The following CCND3 variants were observed in gnomAD, a reference collection of about 807,000 sequenced individuals.
CCND3 encodes the protein G1/S-specific cyclin-D3.
In CCND3, 9 loss-of-function variants were observed where a neutral mutation model predicts 28.7. The ratio of observed to expected loss-of-function variants is 0.31; its 90% confidence interval spans 0.19 to 0.55. The LOEUF is 0.55. Ranked by LOEUF, CCND3 falls within the 20% of genes least tolerant of loss-of-function variation. CCND3 has a pLI of 0.93. For synonymous variants in CCND3, 164 were observed against 163.9 expected (o/e 1.00, Z 0.00); for missense variants, 315 against 385.8 (o/e 0.82, Z 1.54).
intron 1 of CCND3, among the ~76,000 whole-genome samples, chr6:42,044,783 T>TTTTA (rs70987565): frequency 0.16 from 23,414 of 142,946 alleles, 2,306 homozygotes; most frequent in East Asian, 0.38. Flanking sequence ...CTTTCTTTCC[T>TTTTA]TTTATTTATT....
intron 1 of CCND3, among the ~76,000 whole-genome samples, chr6:41,952,349 A>G (rs1313446191): frequency 1.3e-5 from 2 of 152,232 alleles, no homozygotes; most frequent in Admixed American, 1.3e-4. Flanking sequence ...GGGAAGGGAC[A>G]GAGGCCAGTG....
At position 42,034,468 on chromosome 6, in the gene CCND3, CTTTTTTTTTTT is replaced by C. The variant is rs34822771; in HGVS notation, c.-46+14022_-46+14032del. ...ACCGTGCCTGGCCAACCCTGTCACT[CTTTTTTTTTTT>C]TTTTTTTTTTTTTTTTTGAGATGGA... On this transcript the variant is annotated intron_variant, in intron 1 of 4. Coordinates refer to the CCND3 transcript ENST00000372988. Among the ~76,000 whole-genome samples the C allele has an allele frequency of 6.4e-3, 324 of 50,996 alleles. 8 individuals carry two copies. In the East Asian group the frequency reaches 0.11, roughly 17 times the overall value. The allele number at this position is 50,996 out of a possible 152,430, so 33.5% of individuals were successfully genotyped here.
chr6:42,012,237 C>T (rs1763363862), intron 1 of CCND3, among the ~76,000 whole-genome samples: 2 of 152,104 alleles, frequency 1.3e-5, no homozygotes, highest in African/African-American at 4.8e-5. Flanking sequence ...AAAACCCCAT[C>T]TCTACTAAAA....
intron 1 of CCND3, among the ~76,000 whole-genome samples, chr6:41,998,392 A>G (rs1762878551): frequency 7.0e-6 from 1 of 142,862 alleles, no homozygotes; most frequent in African/African-American, 2.6e-5. Flanking sequence ...TTTGTCCCCC[A>G]GGCTGAAGTG....
rs1465224290 is a variant in CCND3, at chr6:42,009,222, C to T, written c.-46+39279G>A. Among the ~76,000 whole-genome samples the T allele has an allele frequency of 4.6e-5, 7 of 152,172 alleles. No individual in the cohort carries two copies. The East Asian group carries it at 1.2e-3, about 25-fold the overall frequency. On this transcript the variant is annotated intron_variant, in intron 1 of 4. Coordinates refer to the CCND3 transcript ENST00000372988. The stretch of plus-strand genomic sequence containing the variant: ...TGGGTGTGGTGGCTCATGCCTATAA[C>T]CCCAGCACTTTGGGGGGCCGAGGCA...
chr6:41,937,598 C>T (rs1775850899), intron 2 of CCND3: 1 of 603,246 alleles, frequency 1.7e-6, no homozygotes, highest in Non-Finnish European at 2.9e-6. Context: ...ACTTACTGAT[C>T]ATTTACTAGG....
intron 1 of CCND3, among the ~76,000 whole-genome samples, chr6:41,957,499 C>T (rs758357716): frequency 6.6e-6 from 1 of 152,118 alleles, no homozygotes; most frequent in African/African-American, 2.4e-5. Context: ...CCATGAAGCT[C>T]GCAGGGTGTG....
chr6:41,956,311 AAAAT>A (rs1199750092), intron 1 of CCND3, among the ~76,000 whole-genome samples: 3 of 152,166 alleles, frequency 2.0e-5, no homozygotes, highest in East Asian at 1.9e-4. Flanking sequence ...AAAATAAAAT[AAAAT>A]AAATAAATAA....
chr6:41,955,394 A>C (rs187640051), intron 1 of CCND3, among the ~76,000 whole-genome samples: 1 of 152,298 alleles, frequency 6.6e-6, no homozygotes, highest in Admixed American at 6.5e-5. Context: ...TTAGTTTATT[A>C]TTTTGAAAAA....
chr6:42,005,034 C>T (rs1237310303), intron 1 of CCND3, among the ~76,000 whole-genome samples: 1 of 152,124 alleles, frequency 6.6e-6, no homozygotes, highest in Non-Finnish European at 1.5e-5. Context: ...AAAAGAAATA[C>T]TGCCAACTCA....
intron 1 of CCND3, among the ~76,000 whole-genome samples, chr6:41,975,737 CTTTTTT>C (rs1318433808): frequency 7.4e-6 from 1 of 135,674 alleles, no homozygotes; most frequent in Non-Finnish European, 1.6e-5. Flanking sequence ...GCTTGCTTGA[CTTTTTT>C]TTTTTTTTTT....
At chr6:42,036,283 AT>A (rs1367821717) in intron 1 of CCND3, among the ~76,000 whole-genome samples, 1 of 140,238 alleles carries the variant, frequency 7.1e-6, no homozygotes, top group Non-Finnish European at 1.5e-5. Context: ...GTGAGCCACC[AT>A]GCCTGGCCTA....
In CCND3 at chr6:41,935,211, G is replaced by A. The variant is rs2127388291; in HGVS notation, c.*729C>T. ...AGATCCTTTTGCCAGTAGCAGAAGG[G>A]AGGAAAACAGCAACCACCAGGGTTA... On this transcript the variant is annotated 3_prime_UTR_variant, in exon 5 of 5. Transcript: ENST00000372991. The A allele has an allele frequency of 4.3e-6, 1 of 233,630 alleles. No homozygotes were observed. The highest frequency in any genetic ancestry group is 6.0e-5 in the East Asian group (1 of 16,586). 14.5% of individuals were successfully genotyped at this position (233,630 alleles called of 1,614,324 possible).
At chr6:41,964,284 G>A (rs866903648) in intron 1 of CCND3, among the ~76,000 whole-genome samples, 21 of 152,026 alleles carry the variant, frequency 1.4e-4, no homozygotes, top group Non-Finnish European at 2.8e-4. Flanking sequence ...GTGTGTATGT[G>A]TGTGTGTGTG....
intron 1 of CCND3, among the ~76,000 whole-genome samples, chr6:41,972,719 G>T (rs375535804): frequency 3.0e-4 from 45 of 152,056 alleles, no homozygotes; most frequent in African/African-American, 9.2e-4. Flanking sequence ...ATTTGAGGGG[G>T]TAACATCAAA....
intron 1 of CCND3, among the ~76,000 whole-genome samples, chr6:42,026,030 C>T (rs1321700332): frequency 6.6e-6 from 1 of 152,200 alleles, no homozygotes; most frequent in Admixed American, 6.5e-5. Flanking sequence ...AGCTCTACTA[C>T]GTATGTTCCC....
Position 41,941,783 on chromosome 6 carries a change from C to CCG in CCND3, c.-136_-135dup, listed in dbSNP as rs3050131. ...GGCGGATCCCCAGCCCGCCCGCCGC[C>CCG]CGCGCGCGCGCGCCGCTTCCCTGAC... On this transcript the variant is annotated 5_prime_UTR_variant, in exon 1 of 5. Coordinates refer to ENST00000372991, the MANE Select transcript of CCND3 (RefSeq NM_001760.5). This position sits in a 1 kb window ranked among gnomAD's most constrained non-coding sequence, Gnocchi z 6.1. 1.5e-4 allele frequency: 53 copies of CCG among 355,474 alleles called. No individual in the cohort carries two copies. Among genetic ancestry groups the CCG allele is most frequent in the Middle Eastern group, 7.9e-4 (1 of 1,270 alleles). 22.0% of individuals were successfully genotyped at this position (355,474 alleles called of 1,614,324 possible). A position where few individuals can be genotyped will look rare whatever the true frequency, so the allele number is the denominator to read the frequency against.
chr6:41,944,175 T>TA (rs1170124356), upstream of CCND3, among the ~76,000 whole-genome samples: 680 of 139,114 alleles, frequency 4.9e-3, 4 homozygotes, highest in African/African-American at 0.013. Flanking sequence ...CTACAAAAAA[T>TA]AAAAAAAAAA....
chr6:41,949,254 A>T (rs1309807107), intron 1 of CCND3, among the ~76,000 whole-genome samples: 2 of 151,330 alleles, frequency 1.3e-5, no homozygotes, highest in Non-Finnish European at 1.5e-5. Context: ...GGCTGAGGTG[A>T]GTGGATCACT....
Sources: allele counts gnomAD v4.1 joint callset (sites outside exome capture counted in the v4.1 genomes callset), GRCh38; gene constraint gnomAD v4.1.1; non-coding constraint Gnocchi (gnomAD v3.1); transcripts MANE v1.5; gene names NCBI Gene and HGNC (gene_info 2026-07-23, HGNC 2026-07-21).